CCSER1: variants seen among roughly 807,000 people sequenced by gnomAD.
The protein encoded by CCSER1 is serine-rich coiled-coil domain-containing protein 1.
In CCSER1, 41 loss-of-function variants were observed where a neutral mutation model predicts 82.0. The observed-to-expected ratio is 0.50, with a 90% CI of 0.39 to 0.65. CCSER1 has a LOEUF of 0.65. Ranked by LOEUF, CCSER1 falls within the 30% of genes least tolerant of loss-of-function variation. CCSER1 has a pLI of 0.00. For missense variants in CCSER1, 1,119 were observed against 1,064.2 expected, an observed-to-expected ratio of 1.05 and a Z score of -0.72; for synonymous variants, 414 against 383.9, an observed-to-expected ratio of 1.08 and a Z score of -0.92.
chr4:90,537,450 T>C (rs977061684), intron 5 of CCSER1, among the ~76,000 whole-genome samples: 13 of 152,186 alleles, frequency 8.5e-5, no homozygotes, highest in Admixed American at 4.6e-4. Flanking sequence ...TGTTTTTTTC[T>C]TCTATTTCTT....
chr4:90,297,727 C>T (rs1393140291), intron 1 of CCSER1, among the ~76,000 whole-genome samples: 2 of 151,972 alleles, frequency 1.3e-5, no homozygotes, highest in African/African-American at 4.8e-5. Context: ...TTGTCAAAGG[C>T]CTTTTCTGCA....
At chr4:91,364,447 C>T (rs138796917) in intron 10 of CCSER1, among the ~76,000 whole-genome samples, 258 of 151,978 alleles carry the variant, frequency 1.7e-3, no homozygotes, top group African/African-American at 6.1e-3. Flanking sequence ...GGTTATTGCT[C>T]GATTTATTAG....
chr4:90,300,922 C>T (rs919330952), intron 1 of CCSER1, among the ~76,000 whole-genome samples: 4 of 152,150 alleles, frequency 2.6e-5, no homozygotes, highest in Non-Finnish European at 5.9e-5. Flanking sequence ...ACCTCCAAGG[C>T]TCATGTGATC....
At chr4:90,862,418 T>C (rs28526093) in intron 8 of CCSER1, among the ~76,000 whole-genome samples, 85,125 of 151,662 alleles carry the variant, frequency 0.56, 24,210 homozygotes, top group African/African-American at 0.63. Context: ...AAATAAATCA[T>C]TATTCAACAT....
At chr4:91,231,009 A>G (rs6858405) in intron 10 of CCSER1, among the ~76,000 whole-genome samples, 37,716 of 151,778 alleles carry the variant, frequency 0.25, 5,912 homozygotes, top group East Asian at 0.41. Context: ...ACATATTCCT[A>G]GTAAGAATAT....
At chr4:90,964,448 C>T (rs947667898) in intron 9 of CCSER1, among the ~76,000 whole-genome samples, 4 of 150,988 alleles carry the variant, frequency 2.6e-5, no homozygotes, top group East Asian at 3.9e-4. Context: ...AAGGATAGGC[C>T]AGGCGTGGTG....
chr4:91,237,828 C>G (rs952389512), intron 10 of CCSER1, among the ~76,000 whole-genome samples: 1 of 152,028 alleles, frequency 6.6e-6, no homozygotes, highest in Non-Finnish European at 1.5e-5. Context: ...TTCTTCTCTC[C>G]CTAGAATCTT....
chr4:90,737,418 G>GCACT (rs1377287956), intron 7 of CCSER1, among the ~76,000 whole-genome samples: 1 of 152,112 alleles, frequency 6.6e-6, no homozygotes, highest in Non-Finnish European at 1.5e-5. Context: ...TATTCCTTCA[G>GCACT]CACTCTAAAT....
chr4:90,971,258 T>C (rs1173722300), intron 9 of CCSER1, among the ~76,000 whole-genome samples: 2 of 151,728 alleles, frequency 1.3e-5, no homozygotes, highest in Non-Finnish European at 2.9e-5. Flanking sequence ...AGAATCATGG[T>C]GGAAGGTGAA....
intron 3 of CCSER1, among the ~76,000 whole-genome samples, chr4:90,354,332 G>T (rs1056428463): frequency 9.9e-5 from 15 of 152,084 alleles, no homozygotes; most frequent in Non-Finnish European, 2.9e-5. Flanking sequence ...GGGTATAAAC[G>T]TTCTAAGATG....
chr4:90,773,054 A>C, intron 7 of CCSER1, among the ~76,000 whole-genome samples: 1 of 152,014 alleles, frequency 6.6e-6, no homozygotes, highest in East Asian at 1.9e-4. Context: ...CAGCCTGACC[A>C]ACGTGGAGAA....
chr4:90,585,558 T>C (rs969440216), intron 5 of CCSER1, among the ~76,000 whole-genome samples: 2 of 152,208 alleles, frequency 1.3e-5, no homozygotes, highest in Admixed American at 1.3e-4. Context: ...ATTAATATTA[T>C]ATGAAGAGTT....
intron 5 of CCSER1, among the ~76,000 whole-genome samples, chr4:90,594,908 G>A (rs1436572320): frequency 1.3e-5 from 2 of 151,922 alleles, no homozygotes; most frequent in Non-Finnish European, 2.9e-5. Flanking sequence ...TCTTTCCTCA[G>A]GGAAGCATTG....
At chr4:90,134,094 C>G (rs896497366) in intron 1 of CCSER1, among the ~76,000 whole-genome samples, 1 of 152,184 alleles carries the variant, frequency 6.6e-6, no homozygotes, top group African/African-American at 2.4e-5. Context: ...ATGATATACA[C>G]TTTATAATGT....
intron 10 of CCSER1, among the ~76,000 whole-genome samples, chr4:91,092,401 G>GT (rs1241407030): frequency 6.6e-6 from 1 of 152,154 alleles, no homozygotes; most frequent in Non-Finnish European, 1.5e-5. Flanking sequence ...ACTAGAACCA[G>GT]TAAATACTTG....
chr4:90,699,852 T>C (rs1294386058), intron 6 of CCSER1, among the ~76,000 whole-genome samples: 1 of 152,078 alleles, frequency 6.6e-6, no homozygotes, highest in Admixed American at 6.6e-5. Context: ...ATTAGTGCCC[T>C]TATAAATAAA....
chr4:90,147,691 G>A (rs574421359), intron 1 of CCSER1, among the ~76,000 whole-genome samples: 4 of 151,932 alleles, frequency 2.6e-5, no homozygotes, highest in South Asian at 2.1e-4. Context: ...GAATACATCC[G>A]TAAATACAAA....
intron 4 of CCSER1, among the ~76,000 whole-genome samples, chr4:90,402,623 T>TA (rs1356140598): frequency 3.3e-5 from 5 of 152,160 alleles, no homozygotes; most frequent in Non-Finnish European, 7.4e-5. Context: ...ATTTTCATTG[T>TA]AAAAAATAAA....
chr4:90,231,610 A>C (rs1013360489), intron 1 of CCSER1, among the ~76,000 whole-genome samples: 8 of 146,872 alleles, frequency 5.4e-5, no homozygotes, highest in Non-Finnish European at 1.0e-4. Flanking sequence ...TAGTGTTGGA[A>C]GTTCTGGCCA....
Sources: gnomAD v4.1 joint callset for allele counts (sites outside exome capture counted in the v4.1 genomes callset) on GRCh38, gnomAD v4.1.1 for gene constraint, MANE v1.5 for transcripts, NCBI Gene and HGNC (gene_info 2026-07-23, HGNC 2026-07-21) for gene names.